The following RPRD1A variants were observed in gnomAD, a reference collection of about 807,000 sequenced individuals.
The protein encoded by RPRD1A is regulation of nuclear pre-mRNA domain-containing protein 1A.
RPRD1A carries 9 observed loss-of-function variants against 37.8 expected under a neutral mutation model. That is an observed-to-expected ratio of 0.24 (90% CI 0.14 to 0.42). The LOEUF is 0.42. Among genes scored for constraint, RPRD1A ranks in the 10% least tolerant of loss-of-function variants. The pLI is 1.00. For synonymous variants in RPRD1A, 138 were observed against 139.7 expected, an observed-to-expected ratio of 0.99 and a Z score of 0.08; for missense variants, 255 against 371.0, an observed-to-expected ratio of 0.69 and a Z score of 2.57.
In RPRD1A at chr18:36,054,665, G is replaced by A. The variant is rs533635917; in HGVS notation, c.151+12589C>T. 3.3e-5 allele frequency among the ~76,000 whole-genome samples: 5 copies of A among 152,218 alleles called. No homozygotes were observed. In the South Asian group the frequency reaches 6.2e-4, roughly 19 times the overall value. On this transcript the variant is annotated intron_variant, in intron 1 of 6. Coordinates refer to ENST00000399022, the MANE Select transcript of RPRD1A (RefSeq NM_018170.5). ...CCATGGGAAATCTGGAGGCTGACAA[G>A]TCCCACGATCTGCAGTTCAGACTGC...
chr18:36,037,733 T>C (rs1912297781), intron 1 of RPRD1A, among the ~76,000 whole-genome samples: 1 of 152,192 alleles, frequency 6.6e-6, no homozygotes, highest in African/African-American at 2.4e-5. Flanking sequence ...ACCAAAATGC[T>C]GATAGTGAAG....
At chr18:36,059,311 A>C (rs1275174767) in intron 1 of RPRD1A, among the ~76,000 whole-genome samples, 1 of 151,970 alleles carries the variant, frequency 6.6e-6, no homozygotes, top group African/African-American at 2.4e-5. Flanking sequence ...CTAATTTTTA[A>C]ATTTTTAGTA....
chr18:36,004,806 G>A (rs1909637780), intron 6 of RPRD1A, among the ~76,000 whole-genome samples: 1 of 152,238 alleles, frequency 6.6e-6, no homozygotes, highest in South Asian at 2.1e-4. Context: ...AGGAGGCTGA[G>A]GCAGGAGAAT....
intron 6 of RPRD1A, among the ~76,000 whole-genome samples, chr18:36,005,521 G>T (rs939796110): frequency 6.6e-6 from 1 of 152,118 alleles, no homozygotes; most frequent in Non-Finnish European, 1.5e-5. Context: ...GGCAAGGAAA[G>T]AAAATTTTAA....
intron 1 of RPRD1A, among the ~76,000 whole-genome samples, chr18:36,054,264 G>A (rs1206449357): frequency 2.6e-5 from 4 of 152,190 alleles, no homozygotes; most frequent in Non-Finnish European, 5.9e-5. Context: ...GCCAAGACAG[G>A]CAGATCACTT....
chr18:36,012,023 C>G (rs1910209491), intron 6 of RPRD1A, among the ~76,000 whole-genome samples: 1 of 152,166 alleles, frequency 6.6e-6, no homozygotes, highest in Non-Finnish European at 1.5e-5. Context: ...AAAATCATCC[C>G]TTAATCCAGC....
chr18:36,011,824 G>A (rs1464105040), intron 6 of RPRD1A, among the ~76,000 whole-genome samples: 3 of 152,184 alleles, frequency 2.0e-5, no homozygotes, highest in East Asian at 3.8e-4. Context: ...TAAAGATTTT[G>A]TAAGAGTCCA....
In RPRD1A at chr18:35,991,754, A is replaced by T. The variant is rs752798093; in HGVS notation, c.*1397T>A. ...CAGAACTACTTGGCTATTAAAAATA[A>T]ATGTCTGCCTTCTTCATATGCAATT... On this transcript the variant is annotated 3_prime_UTR_variant, in exon 7 of 7. Transcript: ENST00000399022. 1 of 152,186 alleles carries T rather than the reference A, an allele frequency of 6.6e-6. No homozygotes were observed. The highest frequency in any genetic ancestry group is 1.5e-5 in the Non-Finnish European group (1 of 68,022). The allele number at this position is 152,186 out of a possible 1,614,324, so 9.4% of individuals were successfully genotyped here.
chr18:36,038,007 T>C (rs1568138264), intron 1 of RPRD1A, among the ~76,000 whole-genome samples: 2 of 152,176 alleles, frequency 1.3e-5, no homozygotes, highest in Admixed American at 6.6e-5. Flanking sequence ...CGGTTTGGAA[T>C]TGGAACTTAT....
chr18:36,062,650 TC>T (rs2088939657), intron 1 of RPRD1A, among the ~76,000 whole-genome samples: 1 of 152,158 alleles, frequency 6.6e-6, no homozygotes, highest in South Asian at 2.1e-4. Context: ...TAACATGTTT[TC>T]CAGGCTCATC....
chr18:36,049,705 T>G (rs577622806), intron 1 of RPRD1A, among the ~76,000 whole-genome samples: 1 of 152,202 alleles, frequency 6.6e-6, no homozygotes, highest in African/African-American at 2.4e-5. Flanking sequence ...GTTTATTCAT[T>G]TATCTGTTGT....
chr18:36,019,314 A>C (rs1315301999), intron 6 of RPRD1A, among the ~76,000 whole-genome samples: 1 of 151,860 alleles, frequency 6.6e-6, no homozygotes, highest in Non-Finnish European at 1.5e-5. Context: ...TCACCGTGTT[A>C]GCTGGGATGG....
At chr18:36,035,694 C>T (rs1912138479) in intron 1 of RPRD1A, among the ~76,000 whole-genome samples, 1 of 152,138 alleles carries the variant, frequency 6.6e-6, no homozygotes, top group African/African-American at 2.4e-5. Context: ...TAAGAGCAAC[C>T]TAACCCACTG....
At chr18:36,048,951 G>A (rs1913166721) in intron 1 of RPRD1A, among the ~76,000 whole-genome samples, 1 of 152,218 alleles carries the variant, frequency 6.6e-6, no homozygotes, top group Non-Finnish European at 1.5e-5. Context: ...GCACAGGCTG[G>A]AGTGCAGTGG....
chr18:36,027,407 T>C (rs1223382143), intron 4 of RPRD1A, 97 bp from the exon 5 acceptor site: 11 of 1,315,580 alleles, frequency 8.4e-6, no homozygotes, highest in Non-Finnish European at 2.1e-6. Flanking sequence ...GGCTATTTAC[T>C]AGTACAAAGC....
In RPRD1A at chr18:36,067,267, C is replaced by T. The variant is rs768418896; in HGVS notation, c.138G>A (p.Arg46=). 9.4e-6 allele frequency: 15 copies of T among 1,591,992 alleles called. No homozygotes were observed. Among genetic ancestry groups the T allele is most frequent in the Non-Finnish European group, 1.3e-5 (15 of 1,169,724 alleles). The change falls in exon 1 of 7, where the codon CGG becomes CGA. Residue 46 remains arginine (R), a synonymous_variant. Coordinates refer to ENST00000399022, the MANE Select transcript of RPRD1A (RefSeq NM_018170.5). ...CGGTTGACTCACCTTTCCGCAGCTC[C>T]CGCTCCCACACGGTGACGATGGGAC... ...HSRPIVTVWE[R]ELRKAKPNRK...
intron 6 of RPRD1A, among the ~76,000 whole-genome samples, chr18:36,019,102 A>ATTTTTTTT (rs946306446): frequency 8.4e-6 from 1 of 118,548 alleles, no homozygotes; most frequent in Non-Finnish European, 1.7e-5. Flanking sequence ...GGGACCATTG[A>ATTTTTTTT]TTTTTTTTTT....
intron 4 of RPRD1A, among the ~76,000 whole-genome samples, chr18:36,030,436 T>C (rs144345488): frequency 0.036 from 5,456 of 151,530 alleles, 163 homozygotes; most frequent in East Asian, 0.14. Context: ...TGAGCCAAGA[T>C]AGTGCCACTG....
intron 6 of RPRD1A, among the ~76,000 whole-genome samples, chr18:36,017,402 C>A (rs150525227): frequency 1.2e-3 from 184 of 152,286 alleles, no homozygotes; most frequent in African/African-American, 4.0e-3. Flanking sequence ...CTCCCTACTG[C>A]TAATCTCTCT....
Sources: gnomAD v4.1 joint callset for allele counts (sites outside exome capture counted in the v4.1 genomes callset) on GRCh38, gnomAD v4.1.1 for gene constraint, MANE v1.5 for transcripts, NCBI Gene and HGNC (gene_info 2026-07-23, HGNC 2026-07-21) for gene names.